The following SLC16A14 variants were observed in gnomAD, a reference collection of about 807,000 sequenced individuals.
SLC16A14 encodes monocarboxylate transporter 14.
In SLC16A14, 14 loss-of-function variants were observed where a neutral mutation model predicts 35.8. The ratio of observed to expected loss-of-function variants is 0.39; its 90% CI spans 0.26 to 0.61. The LOEUF (loss-of-function observed/expected upper bound fraction) is 0.61, where lower values mean the gene tolerates loss of function less well. Among genes scored for constraint, SLC16A14 ranks in the 20% least tolerant of loss-of-function variants. The pLI, the probability that SLC16A14 is intolerant of heterozygous loss-of-function variation, is 0.51. For missense variants in SLC16A14, 533 were observed against 655.0 expected (o/e 0.81, Z 2.03); for synonymous variants, 248 against 258.9 (o/e 0.96, Z 0.40).
intron 1 of SLC16A14, among the ~76,000 whole-genome samples, chr2:230,063,309 A>G (rs2077766267): frequency 7.0e-6 from 1 of 143,144 alleles, no homozygotes; most frequent in Non-Finnish European, 1.6e-5. Context: ...AAAAAAAAAA[A>G]AAAAGCCAAT....
chr2:230,049,962 C>T, intron 2 of SLC16A14, 58 bp from the exon 3 acceptor site: 1 of 1,573,188 alleles, frequency 6.4e-7, no homozygotes, highest in South Asian at 1.1e-5. Context: ...TATTCTTTCT[C>T]ATAAATCTTC....
intron 2 of SLC16A14, among the ~76,000 whole-genome samples, chr2:230,050,884 G>A (rs547728524): frequency 6.6e-6 from 1 of 152,226 alleles, no homozygotes; most frequent in East Asian, 1.9e-4. Flanking sequence ...GTACAGGAAG[G>A]GAGTCTTCAG....
chr2:230,057,814 G>C (rs113335832), intron 2 of SLC16A14, among the ~76,000 whole-genome samples: 1 of 152,134 alleles, frequency 6.6e-6, no homozygotes, highest in South Asian at 2.1e-4. Flanking sequence ...ATCACTTGAG[G>C]TCAGGAGTTT....
Position 230,036,066 on chromosome 2 carries a change from G to C in SLC16A14, c.*1314C>G, listed in dbSNP as rs545103203. On this transcript the variant is annotated 3_prime_UTR_variant, in exon 5 of 5. Coordinates refer to ENST00000295190, the MANE Select transcript of SLC16A14 (RefSeq NM_152527.5). ...CACTGGCAATGATATTCAAGGATTTGTGTGTGTGTGATGATCAAATTGTGA... is the reference window on the plus strand; with the variant it reads ...CACTGGCAATGATATTCAAGGATTTCTGTGTGTGTGATGATCAAATTGTGA... 6.5e-6 allele frequency: 1 copy of C among 152,674 alleles called. No individual in the cohort carries two copies. Among genetic ancestry groups the C allele is most frequent in the South Asian group, 2.1e-4 (1 of 4,822 alleles). 9.5% of individuals were successfully genotyped at this position (152,674 alleles called of 1,614,324 possible).
intron 3 of SLC16A14, among the ~76,000 whole-genome samples, chr2:230,048,997 T>A (rs116408457): frequency 0.047 from 7,062 of 149,284 alleles, 228 homozygotes; most frequent in Non-Finnish European, 0.073. Flanking sequence ...TAATCTTTTT[T>A]AAAATATTTA....
At chr2:230,066,529 T>G (rs143714766) in intron 1 of SLC16A14, 2 of 365,624 alleles carry the variant, frequency 5.5e-6, no homozygotes, top group East Asian at 1.7e-4. Context: ...AGCTACATAT[T>G]TACGTGATAA....
chr2:230,059,462 G>T, intron 1 of SLC16A14, 96 bp from the exon 2 acceptor site: 1 of 883,838 alleles, frequency 1.1e-6, no homozygotes, highest in Non-Finnish European at 1.7e-6. Flanking sequence ...GGGTCAAAGT[G>T]GCTCCAGTAT....
intron 4 of SLC16A14, among the ~76,000 whole-genome samples, chr2:230,044,151 G>C (rs992123692): frequency 1.1e-4 from 16 of 152,078 alleles, no homozygotes; most frequent in Admixed American, 7.2e-4. Context: ...TCCCAGGTGA[G>C]CCCAATGTAA....
chr2:230,049,052 T>TTA (rs2077634290), intron 3 of SLC16A14, among the ~76,000 whole-genome samples: 1 of 141,602 alleles, frequency 7.1e-6, no homozygotes, highest in African/African-American at 2.6e-5. Flanking sequence ...CACAGGAGGC[T>TTA]TTATTATTAT....
At chr2:230,049,616 G>A in intron 3 of SLC16A14, 145 bp downstream of exon 3, 4 of 806,552 alleles carry the variant, frequency 5.0e-6, no homozygotes, top group Non-Finnish European at 3.9e-6. Context: ...GTATTTCCAG[G>A]AGTGTAGGGA....
In SLC16A14 at chr2:230,036,047, C is replaced by T. The variant is rs1274275860; in HGVS notation, c.*1333G>A. ...AGGTAAATTTGACCTAAGACACTGG[C>T]AATGATATTCAAGGATTTGTGTGTG... On this transcript the variant is annotated 3_prime_UTR_variant, in exon 5 of 5. Coordinates refer to ENST00000295190, the MANE Select transcript of SLC16A14 (RefSeq NM_152527.5). 1.3e-5 allele frequency: 2 copies of T among 152,492 alleles called. No homozygotes were observed. The highest frequency in any genetic ancestry group is 1.3e-4 in the Admixed American group (2 of 15,258). The allele number at this position is 152,492 out of a possible 1,614,324, so 9.4% of individuals were successfully genotyped here.
intron 2 of SLC16A14, among the ~76,000 whole-genome samples, chr2:230,051,504 G>A (rs932920514): frequency 1.3e-5 from 2 of 152,042 alleles, no homozygotes; most frequent in Non-Finnish European, 2.9e-5. Context: ...TTCTCCTCCT[G>A]ATTTTGTAGT....
At chr2:230,041,294 G>A (rs914519672) in intron 4 of SLC16A14, among the ~76,000 whole-genome samples, 3 of 152,062 alleles carry the variant, frequency 2.0e-5, no homozygotes, top group African/African-American at 7.2e-5. Flanking sequence ...ATTATATACT[G>A]AAACATCTAG....
chr2:230,043,923 A>C (rs1351262907), intron 4 of SLC16A14, among the ~76,000 whole-genome samples: 1 of 152,220 alleles, frequency 6.6e-6, no homozygotes, highest in Admixed American at 6.5e-5. Flanking sequence ...TTCTCTGGTT[A>C]ATTTGCTTCT....
chr2:230,045,918 T>A lies in SLC16A14; in HGVS notation c.1208A>T (p.His403Leu), dbSNP rs2077601938. The change falls in exon 4 of 5, where the codon CAC becomes CTC. Residue 403 changes from histidine (H) to leucine (L), a missense_variant. By Grantham distance (99) the His-to-Leu change is moderately conservative. Coordinates refer to ENST00000295190, the MANE Select transcript of SLC16A14 (RefSeq NM_152527.5). Reference sequence around the variant, plus strand: ...GATGACCGCCAGGCCAGCGTACGTGTGCATCAACGGCAGAATAAAAATACT... The same window carrying A: ...GATGACCGCCAGGCCAGCGTACGTGAGCATCAACGGCAGAATAAAAATACT... ...VLSIFILPLM[H>L]TYAGLAVICA... 1.2e-6 allele frequency: 2 copies of A among 1,612,404 alleles called. No individual in the cohort carries two copies. The highest frequency in any genetic ancestry group is 1.7e-6 in the Non-Finnish European group (2 of 1,178,484).
intron 2 of SLC16A14, among the ~76,000 whole-genome samples, chr2:230,056,652 A>C (rs1663670092): frequency 6.6e-6 from 1 of 152,028 alleles, no homozygotes; most frequent in African/African-American, 2.4e-5. Context: ...AGGATCTCTT[A>C]AAGCCAGGAG....
chr2:230,063,333 C>A (rs1431732437), intron 1 of SLC16A14, among the ~76,000 whole-genome samples: 1 of 147,882 alleles, frequency 6.8e-6, no homozygotes, highest in Admixed American at 6.8e-5. Flanking sequence ...TTCAGCCCTT[C>A]GAATTATCAT....
Position 230,044,732 on chromosome 2 carries a change from GTGTGTA to G in SLC16A14, c.1381+1007_1381+1012del, listed in dbSNP as rs1460797359. On this transcript the variant is annotated intron_variant, in intron 4 of 4. Coordinates refer to ENST00000295190, the MANE Select transcript of SLC16A14 (RefSeq NM_152527.5). ...TGTGTGTGTGTGTGTGTGTGTGTGT[GTGTGTA>G]TGTGTGTGTGTGTGTGTGTGTGTGT... Among the ~76,000 whole-genome samples, 211 of 98,106 alleles carry G rather than the reference GTGTGTA, an allele frequency of 2.2e-3. 6 individuals are homozygous for G. Among genetic ancestry groups the G allele is most frequent in the Middle Eastern group, 9.5e-3 (2 of 210 alleles). The allele number at this position is 98,106 out of a possible 152,430, so 64.4% of individuals were successfully genotyped here.
chr2:230,046,761 A>G lies in SLC16A14; in HGVS notation c.404-39T>C. ...CGGGGGGAAGAAAAGACACAGTGCA[A>G]CATCAGTGGCCATATCCAGAATTCG... On this transcript the variant is annotated intron_variant, in intron 3 of 4. Coordinates refer to ENST00000295190, the MANE Select transcript of SLC16A14 (RefSeq NM_152527.5). The surrounding 1 kb of genome is among the most constrained non-coding windows in gnomAD (Gnocchi z 5.0). 1 of 1,545,304 alleles carries G rather than the reference A, an allele frequency of 6.5e-7. No homozygotes were observed. Among genetic ancestry groups the G allele is most frequent in the Non-Finnish European group, 8.7e-7 (1 of 1,152,188 alleles).
Sources: allele counts gnomAD v4.1 joint callset (sites outside exome capture counted in the v4.1 genomes callset), GRCh38; gene constraint gnomAD v4.1.1; non-coding constraint Gnocchi (gnomAD v3.1); transcripts MANE v1.5; gene names NCBI Gene and HGNC (gene_info 2026-07-23, HGNC 2026-07-21).